Variants in PLD5 observed in about 807,000 individuals in gnomAD.
The protein encoded by PLD5 is phospholipase D family member 5, also known as inactive phospholipase D5.
A neutral mutation model predicts 61.1 loss-of-function variants in PLD5; 36 were observed. That is an observed-to-expected ratio of 0.59 (90% confidence interval 0.45 to 0.78). The LOEUF (loss-of-function observed/expected upper bound fraction) is 0.78, where lower values mean the gene tolerates loss of function less well. Ranked by LOEUF, PLD5 falls within the 30% of genes least tolerant of loss-of-function variation. The probability of loss-of-function intolerance (pLI) is 0.00; values close to 1 mark genes in which losing one functional copy is unlikely to be tolerated. For synonymous variants in PLD5, 243 were observed against 242.8 expected (o/e 1.00, Z -0.01); for missense variants, 515 against 644.4 (o/e 0.80, Z 2.17).
chr1:242,414,652 C>T (rs1335507902), intron 1 of PLD5, among the ~76,000 whole-genome samples: 1 of 152,014 alleles, frequency 6.6e-6, no homozygotes, highest in East Asian at 1.9e-4. Flanking sequence ...ATCAAAGACT[C>T]GGATGTAAAT....
At chr1:242,369,745 T>G (rs1477004158) in intron 1 of PLD5, among the ~76,000 whole-genome samples, 1 of 152,204 alleles carries the variant, frequency 6.6e-6, no homozygotes. Flanking sequence ...GAAAGAGAGC[T>G]GTCTATTCTT....
chr1:242,367,183 A>T (rs1661392245), intron 1 of PLD5, among the ~76,000 whole-genome samples: 1 of 152,220 alleles, frequency 6.6e-6, no homozygotes, highest in Non-Finnish European at 1.5e-5. Context: ...TTTATAATGA[A>T]TGTTGACAAC....
intron 5 of PLD5, among the ~76,000 whole-genome samples, chr1:242,179,340 G>C (rs1453779041): frequency 1.3e-5 from 2 of 152,144 alleles, no homozygotes; most frequent in African/African-American, 2.4e-5. Flanking sequence ...TGTCTGCAGG[G>C]AATTTAAAAA....
chr1:242,317,988 T>C (rs2149182465), intron 2 of PLD5, among the ~76,000 whole-genome samples: 1 of 152,282 alleles, frequency 6.6e-6, no homozygotes. Flanking sequence ...TAGTACTGGG[T>C]ACCTAGTCAA....
rs147502698 is a variant in PLD5 at position 242,443,164 on chromosome 1, C to A, written c.189+80924G>T. 4.3e-3 allele frequency among the ~76,000 whole-genome samples: 660 copies of A among 152,150 alleles called. 2 individuals are homozygous for A. The highest frequency in any genetic ancestry group is 7.4e-3 in the Non-Finnish European group (501 of 68,014). ...TAAGTATATACAGATGTGATTCCCC[C>A]CTTTTCCCTATCAGGTATTTTATCT... On this transcript the variant is annotated intron_variant, in intron 1 of 9. Coordinates refer to ENST00000536534, the MANE Select transcript of PLD5 (RefSeq NM_001372062.1).
chr1:242,444,846 C>T (rs983949014), intron 1 of PLD5, among the ~76,000 whole-genome samples: 1 of 150,838 alleles, frequency 6.6e-6, no homozygotes, highest in Non-Finnish European at 1.5e-5. Flanking sequence ...GGACTCATCT[C>T]ATACAGTTAT....
chr1:242,296,586 C>A (rs886665555), intron 2 of PLD5, among the ~76,000 whole-genome samples: 4 of 152,208 alleles, frequency 2.6e-5, no homozygotes, highest in African/African-American at 4.8e-5. Flanking sequence ...ACCTAGGGAC[C>A]TTGCTTTATT....
chr1:242,493,880 C>T (rs73146004), intron 1 of PLD5, among the ~76,000 whole-genome samples: 19,782 of 152,220 alleles, frequency 0.13, 1,538 homozygotes, highest in Non-Finnish European at 0.18. Flanking sequence ...TTTAGTATTC[C>T]TGACTGCAAA....
chr1:242,465,203 A>T (rs1347759269), intron 1 of PLD5, among the ~76,000 whole-genome samples: 1 of 152,076 alleles, frequency 6.6e-6, no homozygotes, highest in Non-Finnish European at 1.5e-5. Flanking sequence ...TTTCACTGAT[A>T]CTCCAAATTT....
chr1:242,451,045 G>A (rs576057236), intron 1 of PLD5, among the ~76,000 whole-genome samples: 7 of 152,222 alleles, frequency 4.6e-5, no homozygotes, highest in Non-Finnish European at 4.4e-5. Flanking sequence ...CAGCCACATC[G>A]TTTTGACTCT....
chr1:242,356,191 T>C (rs1355453731), intron 1 of PLD5, among the ~76,000 whole-genome samples: 1 of 152,140 alleles, frequency 6.6e-6, no homozygotes, highest in Non-Finnish European at 1.5e-5. Flanking sequence ...ACTTACATTG[T>C]ATTGAAATAT....
rs548711287 is a variant in PLD5, at chr1:242,420,766, G to T, written c.190-72524C>A. On this transcript the variant is annotated intron_variant, in intron 1 of 9. Coordinates refer to ENST00000536534, the MANE Select transcript of PLD5 (RefSeq NM_001372062.1). The stretch of plus-strand genomic sequence containing the variant: ...GAATGCAGTGGTATGTAGCTCAAAG[G>T]TTCGAGAAATTCCTTTTACATAGAC... 6.6e-5 allele frequency among the ~76,000 whole-genome samples: 10 copies of T among 152,222 alleles called. No homozygotes were observed. In the South Asian group the frequency reaches 1.5e-3, roughly 22 times the overall value.
rs1377416241 is a variant in PLD5, at chr1:242,278,525, C to T, written c.495+9837G>A. 3.3e-5 allele frequency among the ~76,000 whole-genome samples: 5 copies of T among 152,306 alleles called. No homozygotes were observed. The East Asian group carries it at 9.6e-4, about 29-fold the overall frequency. ...CAGATGGGGAAATGGCAGCATGAAG[C>T]AGCAGCAGGAACATACCAAGAAAAA... is the stretch of plus-strand genomic sequence containing the variant. On this transcript the variant is annotated intron_variant, in intron 3 of 9. Coordinates refer to ENST00000536534, the MANE Select transcript of PLD5 (RefSeq NM_001372062.1).
intron 1 of PLD5, among the ~76,000 whole-genome samples, chr1:242,399,119 T>C (rs1663775567): frequency 6.6e-6 from 1 of 152,180 alleles, no homozygotes; most frequent in Non-Finnish European, 1.5e-5. Context: ...AACCCTTCGC[T>C]CAATAATTAA....
At chr1:242,429,929 T>C (rs1301925296) in intron 1 of PLD5, among the ~76,000 whole-genome samples, 1 of 139,074 alleles carries the variant, frequency 7.2e-6, no homozygotes, top group Non-Finnish European at 1.6e-5. Context: ...GTCATTTTTT[T>C]GTAGCCAACT....
At chr1:242,289,411 C>G (rs1017261668) in intron 2 of PLD5, among the ~76,000 whole-genome samples, 1 of 152,024 alleles carries the variant, frequency 6.6e-6, no homozygotes, top group Non-Finnish European at 1.5e-5. Flanking sequence ...TGCAGTGGTG[C>G]GATCTTGGCT....
intron 8 of PLD5, among the ~76,000 whole-genome samples, chr1:242,103,935 T>C (rs942956338): frequency 3.3e-5 from 5 of 152,240 alleles, no homozygotes; most frequent in African/African-American, 4.8e-5. Flanking sequence ...GCATTGTTTT[T>C]GGAAATTTAC....
intron 5 of PLD5, chr1:242,203,489 C>A (rs113624334): frequency 0.021 from 3,133 of 152,428 alleles, 58 homozygotes; most frequent in Non-Finnish European, 0.027. Flanking sequence ...GGAGGAGGGG[C>A]CTCGTGGGAG....
chr1:242,324,460 G>A (rs1341978070), intron 2 of PLD5, among the ~76,000 whole-genome samples: 1 of 152,164 alleles, frequency 6.6e-6, no homozygotes, highest in East Asian at 1.9e-4. Flanking sequence ...TGACCTAACC[G>A]ACTCTATCTT....
Sources: allele counts gnomAD v4.1 joint callset (sites outside exome capture counted in the v4.1 genomes callset), GRCh38; gene constraint gnomAD v4.1.1; transcripts MANE v1.5; gene names NCBI Gene and HGNC (gene_info 2026-07-23, HGNC 2026-07-21).